The following PTPRD variants were observed in gnomAD, a reference collection of about 807,000 sequenced individuals.
PTPRD encodes the protein receptor-type tyrosine-protein phosphatase delta.
A neutral mutation model predicts 214.5 loss-of-function variants in PTPRD; 34 were observed. The observed-to-expected ratio is 0.16, with a 90% confidence interval of 0.12 to 0.21. The LOEUF (loss-of-function observed/expected upper bound fraction) is 0.21. Ranked by LOEUF, PTPRD falls within the 10% of genes least tolerant of loss-of-function variation. The pLI, the probability that PTPRD is intolerant of heterozygous loss-of-function variation, is 1.00. For missense variants in PTPRD, 2,545 were observed against 2,398.7 expected (o/e 1.06, Z -1.27); for synonymous variants, 1,128 against 845.7 (o/e 1.33, Z -5.79).
At chr9:9,959,731 T>C (rs534882470) in intron 4 of PTPRD, among the ~76,000 whole-genome samples, 1 of 152,266 alleles carries the variant, frequency 6.6e-6, no homozygotes, top group South Asian at 2.1e-4. Context: ...TTAACAATTC[T>C]GATACTGCTA....
At chr9:9,811,263 G>A (rs1333782533) in intron 5 of PTPRD, among the ~76,000 whole-genome samples, 1 of 152,166 alleles carries the variant, frequency 6.6e-6, no homozygotes, top group African/African-American at 2.4e-5. Context: ...GGATGGCTTT[G>A]AAGGGTTCAG....
At chr9:10,238,002 T>TAAACAATA (rs2099634494) in intron 3 of PTPRD, among the ~76,000 whole-genome samples, 1 of 151,418 alleles carries the variant, frequency 6.6e-6, no homozygotes, top group Non-Finnish European at 1.5e-5. Flanking sequence ...TACCTATTAA[T>TAAACAATA]TGCAGCTACA....
intron 2 of PTPRD, among the ~76,000 whole-genome samples, chr9:10,487,033 T>C (rs531725314): frequency 3.3e-5 from 5 of 152,322 alleles, no homozygotes; most frequent in East Asian, 1.9e-4. Context: ...TCTTGATTAA[T>C]TGACTTATTT....
intron 8 of PTPRD, among the ~76,000 whole-genome samples, chr9:9,425,751 T>C (rs951360495): frequency 6.6e-6 from 1 of 152,106 alleles, no homozygotes; most frequent in African/African-American, 2.4e-5. Context: ...ACAGATTCAA[T>C]TACATTTGGT....
chr9:9,891,137 C>T (rs370045853), intron 5 of PTPRD, among the ~76,000 whole-genome samples: 8 of 152,004 alleles, frequency 5.3e-5, no homozygotes, highest in Non-Finnish European at 8.8e-5. Flanking sequence ...GAAATGTAGA[C>T]GGGATTGTAG....
chr9:9,398,851 C>T (rs1302699763), intron 8 of PTPRD, among the ~76,000 whole-genome samples: 1 of 151,932 alleles, frequency 6.6e-6, no homozygotes, highest in Admixed American at 6.6e-5. Flanking sequence ...TTACTGGCAT[C>T]ATCTTAGAAA....
chr9:8,562,008 T>C (rs180905669), intron 14 of PTPRD, among the ~76,000 whole-genome samples: 124 of 152,284 alleles, frequency 8.1e-4, no homozygotes, highest in African/African-American at 2.9e-3. Context: ...ACCTACCATT[T>C]AACCACAAAC....
At position 8,486,334 on chromosome 9, in the gene PTPRD, C is replaced by G. The variant is rs536936783; in HGVS notation, c.2483G>C (p.Arg828Pro). 6.2e-7 allele frequency: 1 copy of G among 1,613,964 alleles called. No homozygotes were observed. Among genetic ancestry groups the G allele is most frequent in the Non-Finnish European group, 8.5e-7 (1 of 1,179,924 alleles). Reference sequence around the variant, plus strand: ...CATCTGAGTGTGGTTAATCACAAGCCGAGGTTTCCCTGGAACTGGAGCACA... The same window carrying G: ...CATCTGAGTGTGGTTAATCACAAGCGGAGGTTTCCCTGGAACTGGAGCACA... ...STTGAVPGKPRLVINHTQMNT... is the reference protein window; with the variant it reads ...STTGAVPGKPPLVINHTQMNT... The change falls in exon 28 of 46, where the codon CGG (arginine) becomes CCG (proline). Residue 828 changes from arginine (R) to proline (P), a missense_variant. Transcript: ENST00000381196.
chr9:9,042,174 T>C (rs969254192), intron 10 of PTPRD, among the ~76,000 whole-genome samples: 2 of 152,196 alleles, frequency 1.3e-5, no homozygotes, highest in Non-Finnish European at 2.9e-5. Context: ...CTCTGACCGG[T>C]TGTCTCTGTG....
rs548451325 is a variant in PTPRD, at chr9:8,330,463, C to CTAAACTCCCATA, written c.5534+1107_5534+1118dup. Among the ~76,000 whole-genome samples the CTAAACTCCCATA allele has an allele frequency of 1.3e-4, 20 of 152,256 alleles. No homozygotes were observed. In the East Asian group the frequency reaches 3.9e-3, roughly 29 times the overall value. On this transcript the variant is annotated intron_variant, in intron 44 of 45. Coordinates refer to ENST00000381196, the MANE Select transcript of PTPRD (RefSeq NM_002839.4). ...CTCCCTTTATTGTGGTAATCTGGAA[C>CTAAACTCCCATA]TAAACTCCCATAACGTCTCTGAGGT...
chr9:10,000,712 G>C (rs1269637842), intron 4 of PTPRD, among the ~76,000 whole-genome samples: 1 of 152,174 alleles, frequency 6.6e-6, no homozygotes, highest in African/African-American at 2.4e-5. Context: ...GGAAAGCCAG[G>C]CTGGCAAGTA....
chr9:10,121,826 A>T (rs1043102590), intron 3 of PTPRD, among the ~76,000 whole-genome samples: 1 of 152,024 alleles, frequency 6.6e-6, no homozygotes, highest in Non-Finnish European at 1.5e-5. Context: ...TTTCCCTCCA[A>T]CCATGAGGAT....
intron 11 of PTPRD, among the ~76,000 whole-genome samples, chr9:8,742,895 C>G (rs2154447238): frequency 6.6e-6 from 1 of 152,194 alleles, no homozygotes; most frequent in Middle Eastern, 3.4e-3. Flanking sequence ...TCAGGGAATG[C>G]CTAGAGACAA....
chr9:10,339,110 C>A (rs1450361969), intron 3 of PTPRD, among the ~76,000 whole-genome samples: 2 of 151,474 alleles, frequency 1.3e-5, no homozygotes, highest in Non-Finnish European at 3.0e-5. Flanking sequence ...ACATGTAAGT[C>A]CTGGAAGAAG....
At chr9:9,728,408 C>T (rs942012655) in intron 7 of PTPRD, among the ~76,000 whole-genome samples, 1 of 152,082 alleles carries the variant, frequency 6.6e-6, no homozygotes, top group African/African-American at 2.4e-5. Flanking sequence ...TATTTTTGAT[C>T]TCTAGTCCTA....
At chr9:9,900,897 T>C (rs1307791980) in intron 5 of PTPRD, among the ~76,000 whole-genome samples, 2 of 152,094 alleles carry the variant, frequency 1.3e-5, no homozygotes, top group Non-Finnish European at 2.9e-5. Context: ...GACCTCCCAA[T>C]TTTCAGGTAT....
At chr9:8,786,345 T>C (rs1599738803) in intron 11 of PTPRD, among the ~76,000 whole-genome samples, 1 of 151,956 alleles carries the variant, frequency 6.6e-6, no homozygotes, top group South Asian at 2.1e-4. Flanking sequence ...TTGCAGGTAT[T>C]AGGCACTATG....
intron 12 of PTPRD, among the ~76,000 whole-genome samples, chr9:8,664,775 T>C (rs1470401182): frequency 2.0e-5 from 3 of 152,228 alleles, no homozygotes; most frequent in African/African-American, 4.8e-5. Flanking sequence ...CATATTCATA[T>C]ACAAAGATAA....
At chr9:9,891,265 A>T (rs1331684901) in intron 5 of PTPRD, among the ~76,000 whole-genome samples, 4 of 152,176 alleles carry the variant, frequency 2.6e-5, no homozygotes, top group African/African-American at 9.6e-5. Flanking sequence ...ACTTTCAAAG[A>T]AATATGCAAT....
Sources: allele counts gnomAD v4.1 joint callset (sites outside exome capture counted in the v4.1 genomes callset), GRCh38; gene constraint gnomAD v4.1.1; transcripts MANE v1.5; gene names NCBI Gene and HGNC (gene_info 2026-07-23, HGNC 2026-07-21).